Variants in CNTN4 observed in about 807,000 individuals in gnomAD.
CNTN4 encodes contactin 4.
CNTN4 carries 77 observed loss-of-function variants against 122.5 expected under a neutral mutation model. The observed-to-expected ratio is 0.63, with a 90% confidence interval of 0.52 to 0.76. CNTN4 has a LOEUF of 0.76. Ranked by LOEUF, CNTN4 falls within the 30% of genes least tolerant of loss-of-function variation. CNTN4 has a pLI of 0.00. For synonymous variants in CNTN4, 512 were observed against 447.0 expected (o/e 1.15, Z -1.83); for missense variants, 1,256 against 1,259.1 (o/e 1.00, Z 0.04).
intron 13 of CNTN4, among the ~76,000 whole-genome samples, chr3:2,943,688 A>G (rs1037480358): frequency 6.8e-6 from 1 of 147,054 alleles, no homozygotes; most frequent in African/African-American, 2.5e-5. Flanking sequence ...CAGTGGTGCA[A>G]TCTCGGCTCA....
intron 7 of CNTN4, among the ~76,000 whole-genome samples, chr3:2,853,898 T>C (rs2093587869): frequency 6.6e-6 from 1 of 152,210 alleles, no homozygotes; most frequent in South Asian, 2.1e-4. Flanking sequence ...ATGCTGGCCT[T>C]GGGGGAATGA....
intron 2 of CNTN4, among the ~76,000 whole-genome samples, chr3:2,103,926 T>C (rs1468318603): frequency 6.6e-6 from 1 of 152,178 alleles, no homozygotes; most frequent in African/African-American, 2.4e-5. Flanking sequence ...GCAGTGGAAA[T>C]GTGTAGTGGT....
At chr3:2,981,210 C>T (rs1382119371) in intron 13 of CNTN4, among the ~76,000 whole-genome samples, 3 of 151,980 alleles carry the variant, frequency 2.0e-5, no homozygotes, top group Non-Finnish European at 2.9e-5. Flanking sequence ...TTTGGCAGGC[C>T]GAGGCAGGCA....
chr3:2,622,585 A>C (rs2082032005), intron 4 of CNTN4, among the ~76,000 whole-genome samples: 1 of 152,170 alleles, frequency 6.6e-6, no homozygotes, highest in East Asian at 1.9e-4. Context: ...TGGACAAGCA[A>C]GTTTTGAAGC....
chr3:2,952,033 C>G (rs911716287), intron 13 of CNTN4, among the ~76,000 whole-genome samples: 1 of 152,212 alleles, frequency 6.6e-6, no homozygotes, highest in Non-Finnish European at 1.5e-5. Context: ...TCAGTAAACA[C>G]AGAGAGGCCA....
At position 2,841,354 on chromosome 3, in the gene CNTN4, A is replaced by G. The variant is rs1386001476; in HGVS notation, c.454+21773A>G. On this transcript the variant is annotated intron_variant, in intron 7 of 24. Transcript: ENST00000418658. This position sits in a 1 kb window ranked among gnomAD's most constrained non-coding sequence, Gnocchi z 4.8. ...TACTGTGACATTATTATATCCTACA[A>G]TCACTCATATATCTTTATTTTTCCA... 2.0e-5 allele frequency among the ~76,000 whole-genome samples: 3 copies of G among 152,188 alleles called. No individual in the cohort carries two copies. The highest frequency in any genetic ancestry group is 4.8e-5 in the African/African-American group (2 of 41,432).
chr3:2,652,671 G>C (rs2083415768), intron 4 of CNTN4, among the ~76,000 whole-genome samples: 1 of 152,136 alleles, frequency 6.6e-6, no homozygotes, highest in African/African-American at 2.4e-5. Flanking sequence ...CCAATGAGAT[G>C]AGAGAAGCAA....
chr3:2,167,643 GC>G (rs1331783812), intron 2 of CNTN4, among the ~76,000 whole-genome samples: 1 of 152,120 alleles, frequency 6.6e-6, no homozygotes, highest in East Asian at 1.9e-4. Context: ...TCATACCAAT[GC>G]TTTGATAACC....
At chr3:2,618,246 T>C (rs1416222180) in intron 4 of CNTN4, among the ~76,000 whole-genome samples, 2 of 151,882 alleles carry the variant, frequency 1.3e-5, no homozygotes, top group Non-Finnish European at 2.9e-5. Context: ...AATGTGGGTA[T>C]ATATATATAT....
At chr3:2,461,231 C>G (rs1345152905) in intron 3 of CNTN4, among the ~76,000 whole-genome samples, 4 of 152,058 alleles carry the variant, frequency 2.6e-5, no homozygotes, top group African/African-American at 9.7e-5. Context: ...CTCCCTTGTA[C>G]AGATATGTGT....
At chr3:2,403,121 C>A (rs139076326) in intron 3 of CNTN4, among the ~76,000 whole-genome samples, 1 of 152,020 alleles carries the variant, frequency 6.6e-6, no homozygotes, top group Non-Finnish European at 1.5e-5. Flanking sequence ...TCTTGTATCA[C>A]GCCGAGCTCT....
chr3:2,802,596 C>G (rs532349778), intron 6 of CNTN4, among the ~76,000 whole-genome samples: 1 of 152,146 alleles, frequency 6.6e-6, no homozygotes, highest in African/African-American at 2.4e-5. Flanking sequence ...TGTCTTCAAA[C>G]AGAAACAAGT....
At chr3:3,046,694 T>C (rs947654494) in intron 23 of CNTN4, among the ~76,000 whole-genome samples, 9 of 152,222 alleles carry the variant, frequency 5.9e-5, no homozygotes, top group Admixed American at 2.0e-4. Flanking sequence ...GTAAAGACCA[T>C]TGATGCTAGG....
At chr3:2,651,479 A>C (rs1576346243) in intron 4 of CNTN4, among the ~76,000 whole-genome samples, 2 of 152,268 alleles carry the variant, frequency 1.3e-5, no homozygotes, top group South Asian at 4.1e-4. Flanking sequence ...CTTTTCTAGG[A>C]ATGGCCTCCT....
intron 2 of CNTN4, among the ~76,000 whole-genome samples, chr3:2,175,271 A>G (rs565637209): frequency 1.3e-5 from 2 of 149,990 alleles, no homozygotes; most frequent in East Asian, 2.0e-4. Flanking sequence ...GTGACCTTGG[A>G]TTTTTTTTTT....
At position 2,463,350 on chromosome 3, in the gene CNTN4, A is replaced by T. The variant is rs9310742; in HGVS notation, c.-88-108066A>T. On this transcript the variant is annotated intron_variant, in intron 3 of 24. Coordinates refer to ENST00000418658, the MANE Select transcript of CNTN4 (RefSeq NM_175607.3). ...GGCTGAAATAAAAGCATGTGGGAGG[A>T]CCTACCAATTTATATTATCAAAGTT... Among the ~76,000 whole-genome samples the T allele has an allele frequency of 2.3e-3, 357 of 152,334 alleles. 2 individuals are homozygous for T. The highest frequency in any genetic ancestry group is 8.2e-3 in the African/African-American group (340 of 41,572).
intron 2 of CNTN4, among the ~76,000 whole-genome samples, chr3:2,196,513 A>T (rs966020905): frequency 6.6e-6 from 1 of 152,164 alleles, no homozygotes; most frequent in African/African-American, 2.4e-5. Context: ...GAAAGTATTT[A>T]TTGAGCATCT....
At chr3:2,914,343 G>A (rs2094332302) in intron 12 of CNTN4, among the ~76,000 whole-genome samples, 1 of 151,670 alleles carries the variant, frequency 6.6e-6, no homozygotes, top group Non-Finnish European at 1.5e-5. Flanking sequence ...AAAAATACTA[G>A]GAAAAAAATC....
At chr3:2,834,726 T>C (rs1399305581) in intron 7 of CNTN4, among the ~76,000 whole-genome samples, 1 of 151,946 alleles carries the variant, frequency 6.6e-6, no homozygotes, top group African/African-American at 2.4e-5. Flanking sequence ...TTATTTTAAA[T>C]ATAAGAGCCT....
Sources: allele counts gnomAD v4.1 joint callset (sites outside exome capture counted in the v4.1 genomes callset), GRCh38; gene constraint gnomAD v4.1.1; non-coding constraint Gnocchi (gnomAD v3.1); transcripts MANE v1.5; gene names NCBI Gene and HGNC (gene_info 2026-07-23, HGNC 2026-07-21).